Variants in MSRB3 observed in about 807,000 individuals in gnomAD.
MSRB3 encodes the protein methionine-R-sulfoxide reductase B3.
A neutral mutation model predicts 21.0 loss-of-function variants in MSRB3; 13 were observed. The observed-to-expected ratio is 0.62, with a 90% CI of 0.40 to 0.98. The LOEUF is 0.98. MSRB3 is among the 50% of genes least tolerant of loss of function. MSRB3 has a pLI of 0.00. For synonymous variants in MSRB3, 87 were observed against 88.6 expected (o/e 0.98, Z 0.10); for missense variants, 199 against 230.3 (o/e 0.86, Z 0.88).
chr12:65,353,463 C>T lies in MSRB3; in HGVS notation c.264-15535C>T, dbSNP rs12303232. Reference sequence around the variant, plus strand: ...GTTAGCTCTTCTTGTTGAATTGATCCCTTTACCATTATGTAATGGCCTTCT... The same window carrying T: ...GTTAGCTCTTCTTGTTGAATTGATCTCTTTACCATTATGTAATGGCCTTCT... On this transcript the variant is annotated intron_variant, in intron 4 of 6. Coordinates refer to ENST00000308259, the MANE Select transcript of MSRB3 (RefSeq NM_001031679.3). Among the ~76,000 whole-genome samples, 1,260 of 152,140 alleles carry T rather than the reference C, an allele frequency of 8.3e-3. 18 individuals are homozygous for T. Among genetic ancestry groups the T allele is most frequent in the African/African-American group, 0.029 (1,213 of 41,504 alleles).
chr12:65,450,639 C>T (rs145969870), intron 5 of MSRB3, among the ~76,000 whole-genome samples: 200 of 152,200 alleles, frequency 1.3e-3, no homozygotes, highest in South Asian at 4.6e-3. Context: ...AAGGAAAATC[C>T]TAGAGAAAGG....
intron 4 of MSRB3, among the ~76,000 whole-genome samples, chr12:65,361,801 GTTGTAA>G (rs1413129389): frequency 2.6e-5 from 4 of 152,074 alleles, no homozygotes; most frequent in African/African-American, 9.7e-5. Context: ...TGTCATAATA[GTTGTAA>G]TTGTATCATG....
intron 1 of MSRB3, among the ~76,000 whole-genome samples, chr12:65,302,903 A>T (rs1873422846): frequency 6.6e-6 from 1 of 152,158 alleles, no homozygotes; most frequent in Admixed American, 6.5e-5. Flanking sequence ...CTTCTCCCCC[A>T]CAAAACTACA....
intron 5 of MSRB3, among the ~76,000 whole-genome samples, chr12:65,386,619 A>G (rs1231729584): frequency 6.6e-6 from 1 of 152,002 alleles, no homozygotes; most frequent in Non-Finnish European, 1.5e-5. Context: ...TATTAAATAG[A>G]TACCTGGTTT....
chr12:65,447,333 TA>T (rs1882663505), intron 5 of MSRB3, among the ~76,000 whole-genome samples: 1 of 152,110 alleles, frequency 6.6e-6, no homozygotes, highest in South Asian at 2.1e-4. Context: ...GCTTGAAATT[TA>T]AAAATCAAGA....
intron 2 of MSRB3, among the ~76,000 whole-genome samples, chr12:65,318,948 C>T (rs1011413989): frequency 3.9e-5 from 6 of 152,036 alleles, no homozygotes; most frequent in Admixed American, 6.6e-5. Flanking sequence ...TGGCTTCTAT[C>T]GTACAGTCAT....
In MSRB3 at chr12:65,330,753, G is replaced by T. The variant is rs561588777; in HGVS notation, c.263+2150G>T. On this transcript the variant is annotated intron_variant, in intron 4 of 6. Transcript: ENST00000308259. ...GAGACTCGAAAGCAAGGTTAAAAAA[G>T]TGTTGGTAAAAAATAGTGAAATCGT... 3.9e-5 allele frequency among the ~76,000 whole-genome samples: 6 copies of T among 152,234 alleles called. No homozygotes were observed. In the East Asian group the frequency reaches 1.2e-3, roughly 29 times the overall value.
At chr12:65,330,624 CACAAAAGATG>C (rs1875351349) in intron 4 of MSRB3, among the ~76,000 whole-genome samples, 1 of 152,132 alleles carries the variant, frequency 6.6e-6, no homozygotes, top group Non-Finnish European at 1.5e-5. Flanking sequence ...TCTCCCACCT[CACAAAAGATG>C]ACATACCTTT....
intron 2 of MSRB3, among the ~76,000 whole-genome samples, chr12:65,312,698 A>ATT (rs367895398): frequency 9.9e-5 from 15 of 152,168 alleles, no homozygotes; most frequent in African/African-American, 3.6e-4. Context: ...TCTTAGAGAT[A>ATT]TTTTGCAAAT....
At chr12:65,385,721 A>G (rs1879165666) in intron 5 of MSRB3, among the ~76,000 whole-genome samples, 1 of 151,902 alleles carries the variant, frequency 6.6e-6, no homozygotes, top group African/African-American at 2.4e-5. Flanking sequence ...AATTGCTTAC[A>G]TTTGCTTACT....
rs1883551696 is a variant in MSRB3, at chr12:65,465,944, A to G, written c.*2622A>G. ...CCCATCCTTCAGAGGCACACACAGC[A>G]CCTCTCGGCTGCTCCAGCTCTGTAG... On this transcript the variant is annotated 3_prime_UTR_variant, in exon 7 of 7. Transcript: ENST00000308259. 2 of 151,740 alleles carry G rather than the reference A, an allele frequency of 1.3e-5. No individual in the cohort carries two copies. The highest frequency in any genetic ancestry group is 4.8e-5 in the African/African-American group (2 of 41,282). 9.4% of individuals were successfully genotyped at this position (151,740 alleles called of 1,614,324 possible).
At chr12:65,313,279 A>G (rs1874092971) in intron 2 of MSRB3, among the ~76,000 whole-genome samples, 1 of 152,152 alleles carries the variant, frequency 6.6e-6, no homozygotes, top group South Asian at 2.1e-4. Context: ...AGCCACATCC[A>G]TCAGTAACAA....
intron 5 of MSRB3, among the ~76,000 whole-genome samples, chr12:65,443,774 G>A (rs1281685427): frequency 6.6e-6 from 1 of 151,772 alleles, no homozygotes; most frequent in Non-Finnish European, 1.5e-5. Flanking sequence ...CATTCACATT[G>A]TTGTGCAACC....
chr12:65,441,557 T>C (rs948174669), intron 5 of MSRB3, among the ~76,000 whole-genome samples: 4 of 151,982 alleles, frequency 2.6e-5, no homozygotes, highest in Non-Finnish European at 5.9e-5. Flanking sequence ...TCAACCAAAA[T>C]GTATTTGAGG....
chr12:65,451,931 A>C (rs1882875567), intron 5 of MSRB3, among the ~76,000 whole-genome samples: 2 of 152,168 alleles, frequency 1.3e-5, no homozygotes, highest in Admixed American at 1.3e-4. Context: ...ATGAATTTAG[A>C]CTCTGCCTTC....
intron 4 of MSRB3, among the ~76,000 whole-genome samples, chr12:65,366,234 G>A (rs1002928565): frequency 2.0e-5 from 3 of 152,142 alleles, no homozygotes; most frequent in Admixed American, 6.5e-5. Context: ...ATCTTTTAGG[G>A]CCAAGGGGTC....
intron 5 of MSRB3, among the ~76,000 whole-genome samples, chr12:65,385,375 C>T (rs1289285481): frequency 2.0e-5 from 3 of 151,888 alleles, no homozygotes; most frequent in Admixed American, 6.6e-5. Context: ...TTATTATTTG[C>T]GTATTTATTC....
At chr12:65,307,566 A>G (rs535873419) in intron 1 of MSRB3, among the ~76,000 whole-genome samples, 11 of 152,252 alleles carry the variant, frequency 7.2e-5, no homozygotes, top group Admixed American at 3.3e-4. Flanking sequence ...ATTTGAAACA[A>G]CATATATGAA....
chr12:65,282,340 G>T (rs1299213005), intron 1 of MSRB3, among the ~76,000 whole-genome samples: 2 of 151,732 alleles, frequency 1.3e-5, no homozygotes, highest in African/African-American at 4.8e-5. Flanking sequence ...AAATTGCTCA[G>T]CACAGTCCCT....
Sources: gnomAD v4.1 joint callset for allele counts (sites outside exome capture counted in the v4.1 genomes callset) on GRCh38, gnomAD v4.1.1 for gene constraint, MANE v1.5 for transcripts, NCBI Gene and HGNC (gene_info 2026-07-23, HGNC 2026-07-21) for gene names.